TUBGCP3: variants seen among roughly 807,000 people sequenced by gnomAD.
The protein encoded by TUBGCP3 is gamma-tubulin complex component 3.
In TUBGCP3, 50 loss-of-function variants were observed where a neutral mutation model predicts 123.1. The ratio of observed to expected loss-of-function variants is 0.41; its 90% confidence interval spans 0.32 to 0.51. TUBGCP3 has a LOEUF of 0.51. Ranked by LOEUF, TUBGCP3 falls within the 20% of genes least tolerant of loss-of-function variation. The pLI is 0.36. For missense variants in TUBGCP3, 882 were observed against 1,127.0 expected, an observed-to-expected ratio of 0.78 and a Z score of 3.11; for synonymous variants, 405 against 413.9, an observed-to-expected ratio of 0.98 and a Z score of 0.26.
chr13:112,488,783 C>T (rs1199105459), intron 21 of TUBGCP3, among the ~76,000 whole-genome samples: 1 of 138,664 alleles, frequency 7.2e-6, no homozygotes, highest in East Asian at 2.3e-4. Context: ...CCCCAGGTCC[C>T]CACACCCACC....
intron 3 of TUBGCP3, among the ~76,000 whole-genome samples, 167 bp downstream of exon 3, chr13:112,564,942 TTC>T (rs1048430867): frequency 5.3e-5 from 8 of 152,332 alleles, no homozygotes; most frequent in South Asian, 2.1e-4. Context: ...CAGCTAAAAC[TTC>T]TAATACTGAA....
At chr13:112,568,662 G>C (rs1006758352) in intron 2 of TUBGCP3, among the ~76,000 whole-genome samples, 1 of 152,226 alleles carries the variant, frequency 6.6e-6, no homozygotes, top group East Asian at 1.9e-4. Flanking sequence ...ACTGACCTTC[G>C]CGCAGGCCTC....
chr13:112,605,068 AGGCCGAGGCG>A, the TUBGCP3 span: 1 of 152,210 alleles, frequency 6.6e-6, no homozygotes, highest in Non-Finnish European at 1.5e-5. Context: ...GCACTTTGGA[AGGCCGAGGCG>A]GGCAGATCAC....
intron 4 of TUBGCP3, 81 bp downstream of exon 4, chr13:112,559,241 C>T (rs1471028903): frequency 1.7e-5 from 19 of 1,146,534 alleles, no homozygotes; most frequent in Non-Finnish European, 2.2e-5. Context: ...GCATTATTTT[C>T]TTAGCTGCAG....
At chr13:112,578,086 T>C (rs557989073) in intron 1 of TUBGCP3, among the ~76,000 whole-genome samples, 1 of 152,216 alleles carries the variant, frequency 6.6e-6, no homozygotes, top group Non-Finnish European at 1.5e-5. Flanking sequence ...CTTGAGGCCT[T>C]TGGAACGCCA....
intron 2 of TUBGCP3, among the ~76,000 whole-genome samples, chr13:112,567,562 T>C (rs1344922258): frequency 6.6e-6 from 1 of 152,220 alleles, no homozygotes; most frequent in Non-Finnish European, 1.5e-5. Context: ...ATTTTTAGTA[T>C]GTTAACAGCA....
chr13:112,575,021 G>GC (rs1490733531), intron 1 of TUBGCP3, among the ~76,000 whole-genome samples: 1 of 152,164 alleles, frequency 6.6e-6, no homozygotes, highest in African/African-American at 2.4e-5. Flanking sequence ...GGGCACCCCC[G>GC]CAGTGGGCTG....
intron 11 of TUBGCP3, 99 bp from the exon 12 acceptor site, chr13:112,527,583 T>G (rs531773683): frequency 5.1e-6 from 4 of 788,384 alleles, no homozygotes; most frequent in Non-Finnish European, 8.7e-6. Flanking sequence ...GAAAGCCAAG[T>G]TCTCCAGACA....
At chr13:112,554,667 G>A (rs573453924) in intron 7 of TUBGCP3, among the ~76,000 whole-genome samples, 3 of 152,164 alleles carry the variant, frequency 2.0e-5, no homozygotes, top group East Asian at 1.9e-4. Context: ...ATCAGTAGAC[G>A]TGAGGAAAGG....
upstream of TUBGCP3, among the ~76,000 whole-genome samples, chr13:112,591,647 A>G (rs1882885193): frequency 6.6e-6 from 1 of 151,764 alleles, no homozygotes. Context: ...AGTAGACAGA[A>G]TATCAGAAAT....
At position 112,508,235 on chromosome 13, in the gene TUBGCP3, A is replaced by G. The variant is rs1444688657; in HGVS notation, c.2087-3521T>C. 6.6e-6 allele frequency among the ~76,000 whole-genome samples: 1 copy of G among 152,056 alleles called. No homozygotes were observed. Among genetic ancestry groups the G allele is most frequent in the East Asian group, 1.9e-4 (1 of 5,182 alleles). On this transcript the variant is annotated intron_variant, in intron 17 of 21. Transcript: ENST00000261965. The surrounding 1 kb of genome is among the most constrained non-coding windows in gnomAD (Gnocchi z 4.2). ...CTCCTAGCACACACTTAAAAGGCCA[A>G]CCCGTATCCCCTCACTCTGAATCCA...
At position 112,486,169 on chromosome 13, in the gene TUBGCP3, G is replaced by A. The variant is rs751988313; in HGVS notation, c.2566-18C>T. On this transcript the variant is annotated intron_variant, in intron 21 of 21. Transcript: ENST00000261965. ...ACGATACCCTAAAAAGAAGCAAAAG[G>A]AGTAAAATATTGTTTCAGAAAAGAA... The A allele has an allele frequency of 1.2e-6, 2 of 1,609,684 alleles. No homozygotes were observed. The highest frequency in any genetic ancestry group is 1.7e-5 in the Admixed American group (1 of 59,128).
intron 1 of TUBGCP3, among the ~76,000 whole-genome samples, chr13:112,574,780 T>C (rs1201731645): frequency 1.3e-5 from 2 of 152,240 alleles, no homozygotes; most frequent in African/African-American, 4.8e-5. Context: ...AAGGAAATCC[T>C]GGAATGACTT....
chr13:112,513,896 C>T (rs1404411277), intron 17 of TUBGCP3, among the ~76,000 whole-genome samples: 1 of 152,018 alleles, frequency 6.6e-6, no homozygotes, highest in African/African-American at 2.4e-5. Context: ...ATAAACAATT[C>T]ATAAGTTTTC....
chr13:112,585,193 A>G (rs1308555306), intron 1 of TUBGCP3, among the ~76,000 whole-genome samples: 1 of 152,246 alleles, frequency 6.6e-6, no homozygotes, highest in African/African-American at 2.4e-5. Flanking sequence ...ATATGTCATC[A>G]AAGAATAAGG....
the TUBGCP3 span, among the ~76,000 whole-genome samples, chr13:112,597,845 T>G: frequency 6.6e-6 from 1 of 151,984 alleles, no homozygotes; most frequent in Non-Finnish European, 1.5e-5. Context: ...TTCATATAAT[T>G]GGAATCCAGA....
chr13:112,533,622 A>G (rs1484454798), intron 11 of TUBGCP3, among the ~76,000 whole-genome samples: 3 of 151,956 alleles, frequency 2.0e-5, no homozygotes, highest in African/African-American at 7.3e-5. Context: ...GTCAACAGGA[A>G]CCACACAGTT....
chr13:112,596,004 A>T, the TUBGCP3 span, among the ~76,000 whole-genome samples: 2 of 152,240 alleles, frequency 1.3e-5, no homozygotes, highest in South Asian at 4.1e-4. Flanking sequence ...CATGTACATA[A>T]CTTATTTCTG....
At chr13:112,577,550 G>A (rs1332042367) in intron 1 of TUBGCP3, among the ~76,000 whole-genome samples, 1 of 152,026 alleles carries the variant, frequency 6.6e-6, no homozygotes, top group East Asian at 1.9e-4. Flanking sequence ...ATTCCTAGAG[G>A]GAGCCTAGAG....
Sources: gnomAD v4.1 joint callset for allele counts (sites outside exome capture counted in the v4.1 genomes callset) on GRCh38, gnomAD v4.1.1 for gene constraint, Gnocchi (gnomAD v3.1) non-coding constraint, MANE v1.5 for transcripts, NCBI Gene and HGNC (gene_info 2026-07-23, HGNC 2026-07-21) for gene names.